The following MDM4 variants were observed in gnomAD, a reference collection of about 807,000 sequenced individuals.
The protein encoded by MDM4 is MDM4 regulator of p53.
Under a neutral mutation model 60.2 loss-of-function variants are expected in MDM4, and 2 were observed. The ratio of observed to expected loss-of-function variants is 0.03; its 90% CI spans 0.01 to 0.10. The LOEUF (loss-of-function observed/expected upper bound fraction) is 0.10. Ranked by LOEUF, MDM4 falls within the 10% of genes least tolerant of loss-of-function variation. The pLI, the probability that MDM4 is intolerant of heterozygous loss-of-function variation, is 1.00. For synonymous variants in MDM4, 202 were observed against 198.1 expected (o/e 1.02, Z -0.17); for missense variants, 447 against 577.5 (o/e 0.77, Z 2.32).
chr1:204,527,497 T>C (rs1233451314), intron 3 of MDM4, among the ~76,000 whole-genome samples: 1 of 152,008 alleles, frequency 6.6e-6, no homozygotes, highest in African/African-American at 2.4e-5. Context: ...CTACTAAAAA[T>C]ACAAAACTAG....
At chr1:204,525,453 A>G (rs572152034) in intron 1 of MDM4, 31 bp from the exon 2 acceptor site, 88 of 1,552,120 alleles carry the variant, frequency 5.7e-5, no homozygotes, top group Non-Finnish European at 6.9e-5. Context: ...CTGCATTAGA[A>G]TAGATGTTAT....
At chr1:204,520,169 C>T (rs1052713322) in intron 1 of MDM4, among the ~76,000 whole-genome samples, 3 of 149,238 alleles carry the variant, frequency 2.0e-5, no homozygotes, top group East Asian at 2.0e-4. Flanking sequence ...CCCAGCTACG[C>T]GGGAGGCTGA....
chr1:204,552,327 T>TG lies in MDM4; in HGVS notation c.*2645_*2646insG, dbSNP rs1417519943. On this transcript the variant is annotated 3_prime_UTR_variant, in exon 11 of 11. Coordinates refer to ENST00000367182, the MANE Select transcript of MDM4 (RefSeq NM_002393.5). ...AAAATCTCATAATGTCGTTGTTGGT[T>TG]TTTTTTTTTTTTTTTGAGACAGTCT... is the stretch of plus-strand genomic sequence containing the variant. 1 of 145,562 alleles carries TG rather than the reference T, an allele frequency of 6.9e-6. No homozygotes were observed. The highest frequency in any genetic ancestry group is 2.5e-5 in the African/African-American group (1 of 40,240). 9.0% of individuals were successfully genotyped at this position (145,562 alleles called of 1,614,324 possible). A position where few individuals can be genotyped will look rare whatever the true frequency, so the allele number is the denominator to read the frequency against.
intron 5 of MDM4, among the ~76,000 whole-genome samples, chr1:204,534,489 G>A (rs1206060650): frequency 6.6e-6 from 1 of 151,744 alleles, no homozygotes; most frequent in Non-Finnish European, 1.5e-5. Flanking sequence ...TATTTTGTTG[G>A]TTTTGTTTTG....
chr1:204,555,039 A>G lies in MDM4; in HGVS notation c.*5357A>G, dbSNP rs1462092124. 4 of 217,680 alleles carry G rather than the reference A, an allele frequency of 1.8e-5. No homozygotes were observed. Among genetic ancestry groups the G allele is most frequent in the African/African-American group, 6.8e-5 (3 of 44,392 alleles). 13.5% of individuals were successfully genotyped at this position (217,680 alleles called of 1,614,324 possible). A position where few individuals can be genotyped will look rare whatever the true frequency, so the allele number is the denominator to read the frequency against. On this transcript the variant is annotated 3_prime_UTR_variant, in exon 11 of 11. Transcript: ENST00000367182. ...ATGTCTGCAGAAAGAGATAGCTAAT[A>G]TTTTTTGGTACTTTATCTGAAATCC...
intron 6 of MDM4, chr1:204,537,840 A>G: frequency 1.5e-6 from 1 of 657,792 alleles, no homozygotes; most frequent in Non-Finnish European, 2.9e-6. Flanking sequence ...GCCATTTCCT[A>G]AAGCTTCCCC....
Position 204,549,707 on chromosome 1 carries a change from T to C in MDM4, c.*25T>C, listed in dbSNP as rs1321367156. On this transcript the variant is annotated 3_prime_UTR_variant, in exon 11 of 11. Coordinates refer to ENST00000367182, the MANE Select transcript of MDM4 (RefSeq NM_002393.5). ...ATGGTAGTACGAACATAAAAATGCA[T>C]TTATTCCGTTCACTTACCACATTAT... The C allele has an allele frequency of 7.8e-7, 1 of 1,277,680 alleles. No homozygotes were observed. Among genetic ancestry groups the C allele is most frequent in the Non-Finnish European group, 1.1e-6 (1 of 923,858 alleles). The allele number at this position is 1,277,680 out of a possible 1,614,324, so 79.1% of individuals were successfully genotyped here.
chr1:204,530,911 A>G, intron 4 of MDM4, 94 bp downstream of exon 4: 1 of 1,504,752 alleles, frequency 6.6e-7, no homozygotes, highest in South Asian at 1.2e-5. Context: ...TCACTCAACA[A>G]ATATGTAAGA....
chr1:204,531,083 G>A (rs758948692), intron 4 of MDM4, among the ~76,000 whole-genome samples: 1 of 152,186 alleles, frequency 6.6e-6, no homozygotes, highest in African/African-American at 2.4e-5. Context: ...TATGGCAAGT[G>A]CTACAGAAAA....
intron 7 of MDM4, among the ~76,000 whole-genome samples, chr1:204,542,159 G>A (rs930190887): frequency 6.6e-6 from 1 of 152,154 alleles, no homozygotes; most frequent in Non-Finnish European, 1.5e-5. Context: ...TCCAGCGAGG[G>A]CATATGTATG....
chr1:204,538,380 C>CTACTTCACATACG, intron 7 of MDM4, 72 bp downstream of exon 7: 1 of 825,982 alleles, frequency 1.2e-6, no homozygotes, highest in Non-Finnish European at 2.0e-6. Context: ...TTAATCTCTC[C>CTACTTCACATACG]GTATGTGAAG....
chr1:204,521,080 G>A (rs552429349), intron 1 of MDM4, among the ~76,000 whole-genome samples: 56 of 152,258 alleles, frequency 3.7e-4, no homozygotes, highest in South Asian at 3.5e-3. Flanking sequence ...GGTGATCTTG[G>A]ACAAATAACT....
In MDM4 at chr1:204,526,458, A is replaced by AT. The variant is rs751338727; in HGVS notation, c.153+32dup. The AT allele has an allele frequency of 8.5e-4, 1,202 of 1,411,924 alleles. 1 individual carries two copies. Among genetic ancestry groups the AT allele is most frequent in the African/African-American group, 2.1e-3 (144 of 67,042 alleles). 87.5% of individuals were successfully genotyped at this position (1,411,924 alleles called of 1,614,324 possible). ...AGGTAAGCCATCAAATAAAATTCTCATTTTTTTTGTTTTTTTTTTTTTTGA... is the reference window on the plus strand; with the variant it reads ...AGGTAAGCCATCAAATAAAATTCTCATTTTTTTTTGTTTTTTTTTTTTTTGA... On this transcript the variant is annotated intron_variant, in intron 3 of 10. Coordinates refer to ENST00000367182, the MANE Select transcript of MDM4 (RefSeq NM_002393.5).
rs1223855573 is a variant in MDM4 at position 204,554,102 on chromosome 1, T to A, written c.*4420T>A. ...TAAGGGTCAAGGTCATTTGTAACATTTTGTGTGTGTCAATTCAATGCAATG... is the reference window on the plus strand; with the variant it reads ...TAAGGGTCAAGGTCATTTGTAACATATTGTGTGTGTCAATTCAATGCAATG... On this transcript the variant is annotated 3_prime_UTR_variant, in exon 11 of 11. Transcript: ENST00000367182. 4.4e-6 allele frequency: 1 copy of A among 229,332 alleles called. No individual in the cohort carries two copies. Among genetic ancestry groups the A allele is most frequent in the African/African-American group, 2.2e-5 (1 of 45,166 alleles). The allele number at this position is 229,332 out of a possible 1,614,324, so 14.2% of individuals were successfully genotyped here.
In MDM4 at chr1:204,516,410, C is replaced by G. The variant is rs1438575822; in HGVS notation, c.-135C>G. 6.6e-6 allele frequency: 1 copy of G among 152,250 alleles called. No homozygotes were observed. Among genetic ancestry groups the G allele is most frequent in the Non-Finnish European group, 1.5e-5 (1 of 68,094 alleles). The allele number at this position is 152,250 out of a possible 1,614,324, so 9.4% of individuals were successfully genotyped here. Reference sequence around the variant, plus strand: ...GAGGCCGGAAGTTGCGGCTTCATTACTCGCCATTTCAAAATGCTGCCGAGG... The same window carrying G: ...GAGGCCGGAAGTTGCGGCTTCATTAGTCGCCATTTCAAAATGCTGCCGAGG... On this transcript the variant is annotated 5_prime_UTR_variant, in exon 1 of 11. Transcript: ENST00000367182.
intron 5 of MDM4, among the ~76,000 whole-genome samples, chr1:204,535,798 C>T (rs1383210952): frequency 6.6e-6 from 1 of 151,890 alleles, no homozygotes; most frequent in African/African-American, 2.4e-5. Flanking sequence ...ACCTCGACCT[C>T]CCAAAGTTCT....
chr1:204,541,569 ATAAT>A, intron 7 of MDM4, among the ~76,000 whole-genome samples: 1 of 152,316 alleles, frequency 6.6e-6, no homozygotes, highest in African/African-American at 2.4e-5. Flanking sequence ...TTGGGAATAA[ATAAT>A]AGTATTTTCA....
At chr1:204,518,124 C>T (rs1291078679) in intron 1 of MDM4, among the ~76,000 whole-genome samples, 1 of 152,184 alleles carries the variant, frequency 6.6e-6, no homozygotes, top group Non-Finnish European at 1.5e-5. Context: ...CTACTGCACT[C>T]TAGCTTAGGC....
At chr1:204,540,483 C>T (rs1456371742) in intron 7 of MDM4, among the ~76,000 whole-genome samples, 2 of 152,100 alleles carry the variant, frequency 1.3e-5, no homozygotes, top group Non-Finnish European at 2.9e-5. Flanking sequence ...ACTTTCTAGG[C>T]TGGGCATGGT....
Sources: allele counts gnomAD v4.1 joint callset (sites outside exome capture counted in the v4.1 genomes callset), GRCh38; gene constraint gnomAD v4.1.1; transcripts MANE v1.5; gene names NCBI Gene and HGNC (gene_info 2026-07-23, HGNC 2026-07-21).